The following SLC26A7 variants were observed in gnomAD, a reference collection of about 807,000 sequenced individuals.
SLC26A7 encodes the protein solute carrier family 26 member 7, also known as anion exchange transporter.
A neutral mutation model predicts 82.5 loss-of-function variants in SLC26A7; 59 were observed. The observed-to-expected ratio is 0.72, with a 90% confidence interval of 0.58 to 0.89. The LOEUF (loss-of-function observed/expected upper bound fraction) is 0.89. SLC26A7 is among the 40% of genes least tolerant of loss of function. The pLI is 0.00. For synonymous variants in SLC26A7, 271 were observed against 274.3 expected, an observed-to-expected ratio of 0.99 and a Z score of 0.12; for missense variants, 820 against 793.0, an observed-to-expected ratio of 1.03 and a Z score of -0.41.
At chr8:91,252,529 T>G (rs1810687719) in intron 2 of SLC26A7, among the ~76,000 whole-genome samples, 2 of 152,004 alleles carry the variant, frequency 1.3e-5, no homozygotes, top group Admixed American at 1.3e-4. Flanking sequence ...CTGTCTGTCC[T>G]TCTCTTCTTA....
chr8:91,361,352 T>G (rs1047494537), intron 11 of SLC26A7, among the ~76,000 whole-genome samples: 3 of 152,156 alleles, frequency 2.0e-5, no homozygotes, highest in Admixed American at 2.0e-4. Context: ...TATGCTATTT[T>G]TAGAATACAC....
intron 4 of SLC26A7, among the ~76,000 whole-genome samples, chr8:91,297,802 A>G (rs183248947): frequency 1.1e-3 from 175 of 152,290 alleles, no homozygotes; most frequent in Non-Finnish European, 2.1e-3. Context: ...CTACAAACAT[A>G]TGAAGTGTGT....
intron 5 of SLC26A7, among the ~76,000 whole-genome samples, chr8:91,324,723 T>C (rs1812888638): frequency 6.6e-6 from 1 of 152,138 alleles, no homozygotes; most frequent in South Asian, 2.1e-4. Context: ...TAATCTCAGA[T>C]AGTGTTAATG....
Position 91,395,680 on chromosome 8 carries a change from T to C in SLC26A7, c.*583T>C, listed in dbSNP as rs577150168. The C allele has an allele frequency of 6.6e-6, 1 of 152,338 alleles. No homozygotes were observed. Among genetic ancestry groups the C allele is most frequent in the African/African-American group, 2.4e-5 (1 of 41,558 alleles). The allele number at this position is 152,338 out of a possible 1,614,324, so 9.4% of individuals were successfully genotyped here. On this transcript the variant is annotated 3_prime_UTR_variant, in exon 19 of 19. Coordinates refer to ENST00000276609, the MANE Select transcript of SLC26A7 (RefSeq NM_052832.4). ...AATAATTCGTTTCCATATCTTTCCA[T>C]ACATCCATTTCTGAAGTATTCAGGA...
At chr8:91,299,840 C>G (rs1260991721) in intron 4 of SLC26A7, among the ~76,000 whole-genome samples, 1 of 152,098 alleles carries the variant, frequency 6.6e-6, no homozygotes, top group Admixed American at 6.5e-5. Flanking sequence ...AAAGAGCAAA[C>G]TAAAATCAGA....
Position 91,395,246 on chromosome 8 carries a change from T to C in SLC26A7, c.*149T>C. ...TGTGACTTAGTAACTGCATAGCAGT[T>C]GGAAAGAACTGCCAACTTTTTTTTC... On this transcript the variant is annotated 3_prime_UTR_variant, in exon 19 of 19. Transcript: ENST00000276609. 7.1e-7 allele frequency: 1 copy of C among 1,415,662 alleles called. No individual in the cohort carries two copies. The highest frequency in any genetic ancestry group is 9.2e-7 in the Non-Finnish European group (1 of 1,083,256). 87.7% of individuals were successfully genotyped at this position (1,415,662 alleles called of 1,614,324 possible). A position where few individuals can be genotyped will look rare whatever the true frequency, so the allele number is the denominator to read the frequency against.
chr8:91,347,030 T>G (rs544904545), intron 9 of SLC26A7, among the ~76,000 whole-genome samples: 20 of 152,324 alleles, frequency 1.3e-4, no homozygotes, highest in Non-Finnish European at 2.1e-4. Context: ...ATCCTTGACT[T>G]AAAGCTACTG....
rs1306325889 is a variant in SLC26A7 at position 91,338,145 on chromosome 8, C to T, written c.796-5C>T. The stretch of plus-strand genomic sequence containing the variant: ...TTTTTTCTTTTTTCAAATGGAACCA[C>T]ACAGATTATTGCTGCATCATTTGCT... On this transcript the variant is annotated splice_region_variant and splice_polypyrimidine_tract_variant and intron_variant, in intron 6 of 18. Coordinates refer to ENST00000276609, the MANE Select transcript of SLC26A7 (RefSeq NM_052832.4). The T allele has an allele frequency of 5.0e-6, 8 of 1,601,132 alleles. 1 individual carries two copies.
chr8:91,251,264 T>A (rs1225587396), intron 2 of SLC26A7, among the ~76,000 whole-genome samples: 4 of 152,020 alleles, frequency 2.6e-5, no homozygotes, highest in Non-Finnish European at 5.9e-5. Context: ...TTATATGGCT[T>A]TTATTTGGGT....
At chr8:91,327,478 G>A (rs957555427) in intron 5 of SLC26A7, among the ~76,000 whole-genome samples, 1 of 152,024 alleles carries the variant, frequency 6.6e-6, no homozygotes, top group African/African-American at 2.4e-5. Flanking sequence ...TATACTCTTT[G>A]AGACATAGAA....
intron 2 of SLC26A7, among the ~76,000 whole-genome samples, chr8:91,285,694 T>C (rs1283985462): frequency 1.3e-5 from 2 of 152,246 alleles, no homozygotes; most frequent in Non-Finnish European, 2.9e-5. Flanking sequence ...CTGGGTCATA[T>C]TTGAAGCTCC....
intron 3 of SLC26A7, among the ~76,000 whole-genome samples, chr8:91,291,666 A>G (rs1004919680): frequency 3.9e-5 from 6 of 152,212 alleles, no homozygotes; most frequent in Non-Finnish European, 7.4e-5. Context: ...TTGATGTCCT[A>G]AGGAATCACT....
intron 6 of SLC26A7, among the ~76,000 whole-genome samples, chr8:91,336,536 G>T (rs888392905): frequency 1.3e-5 from 2 of 151,666 alleles, no homozygotes; most frequent in African/African-American, 4.8e-5. Context: ...AACCCTGTTC[G>T]TGAAAAAATT....
Position 91,284,045 on chromosome 8 carries a change from T to G in SLC26A7, c.194-5091T>G, listed in dbSNP as rs372685745. Among the ~76,000 whole-genome samples, 184 of 152,324 alleles carry G rather than the reference T, an allele frequency of 1.2e-3. 3 individuals are homozygous for G. In the South Asian group the frequency reaches 0.038, roughly 31 times the overall value. On this transcript the variant is annotated intron_variant, in intron 2 of 18. Transcript: ENST00000276609. ...AAATGAATACAGTACTTTAACATGATTTTGAGAAATATGTGTATATACATA... is the reference window on the plus strand; with the variant it reads ...AAATGAATACAGTACTTTAACATGAGTTTGAGAAATATGTGTATATACATA...
intron 2 of SLC26A7, among the ~76,000 whole-genome samples, chr8:91,287,778 G>A (rs771201373): frequency 1.5e-4 from 23 of 152,154 alleles, no homozygotes; most frequent in Non-Finnish European, 3.2e-4. Context: ...CACTAAAAAT[G>A]CCAAAAGGTG....
At chr8:91,292,983 C>T (rs1057251050) in intron 3 of SLC26A7, among the ~76,000 whole-genome samples, 1 of 151,890 alleles carries the variant, frequency 6.6e-6, no homozygotes, top group African/African-American at 2.4e-5. Flanking sequence ...TTTTCAGAAG[C>T]AAAAATAAAC....
rs182475409 is a variant in SLC26A7 at position 91,251,035 on chromosome 8, C to T, written c.193+1191C>T. Among the ~76,000 whole-genome samples, 29 of 108,366 alleles carry T rather than the reference C, an allele frequency of 2.7e-4. No individual in the cohort carries two copies. In the East Asian group the frequency reaches 6.3e-3, roughly 24 times the overall value. The allele number at this position is 108,366 out of a possible 152,430, so 71.1% of individuals were successfully genotyped here. ...AAACAATACCAATGTACTTTGAAAACTTAAGTGATGAATTTTTTTTTTAAC... is the reference window on the plus strand; with the variant it reads ...AAACAATACCAATGTACTTTGAAAATTTAAGTGATGAATTTTTTTTTTAAC... On this transcript the variant is annotated intron_variant, in intron 2 of 18. Transcript: ENST00000276609.
chr8:91,316,965 G>A (rs77752881), intron 4 of SLC26A7, among the ~76,000 whole-genome samples: 9,352 of 129,532 alleles, frequency 0.072, 483 homozygotes, highest in East Asian at 0.1. Context: ...ACTAGCTTGG[G>A]CAACACAGTG....
chr8:91,359,680 C>G (rs954305534), intron 11 of SLC26A7, among the ~76,000 whole-genome samples: 3 of 152,024 alleles, frequency 2.0e-5, no homozygotes, highest in African/African-American at 7.2e-5. Context: ...AGGGATTCAG[C>G]AGAGAAAAGC....
Sources: allele counts gnomAD v4.1 joint callset (sites outside exome capture counted in the v4.1 genomes callset), GRCh38; gene constraint gnomAD v4.1.1; transcripts MANE v1.5; gene names NCBI Gene and HGNC (gene_info 2026-07-23, HGNC 2026-07-21).